Variants in CHD4 observed in about 807,000 individuals in gnomAD.
CHD4 encodes the protein ATP-dependent chromatin remodeler CHD4.
Under a neutral mutation model 235.5 loss-of-function variants are expected in CHD4, and 35 were observed. The observed-to-expected ratio is 0.15, with a 90% CI of 0.11 to 0.20. The LOEUF is 0.20. Ranked by LOEUF, CHD4 falls within the 10% of genes least tolerant of loss-of-function variation. The probability of loss-of-function intolerance (pLI) is 1.00; values close to 1 mark genes in which losing one functional copy is unlikely to be tolerated. For synonymous variants in CHD4, 900 were observed against 850.2 expected (o/e 1.06, Z -1.02); for missense variants, 1,329 against 2,432.3 (o/e 0.55, Z 9.54).
chr12:6,592,150 A>T, intron 19 of CHD4, 93 bp from the exon 20 acceptor site: 1 of 1,501,114 alleles, frequency 6.7e-7, no homozygotes, highest in South Asian at 1.2e-5. Flanking sequence ...CTTCCAACAC[A>T]TCCCACTTTG....
At chr12:6,589,458 G>T (rs1378366909) in intron 22 of CHD4, among the ~76,000 whole-genome samples, 1 of 152,188 alleles carries the variant, frequency 6.6e-6, no homozygotes, top group Non-Finnish European at 1.5e-5. Context: ...CCGTCCCCCA[G>T]TATGATGAAC....
intron 15 of CHD4, 43 bp downstream of exon 15, chr12:6,594,416 C>A: frequency 6.4e-7 from 1 of 1,552,698 alleles, no homozygotes; most frequent in Non-Finnish European, 8.7e-7. Context: ...GCTTCAAACA[C>A]AAAACACCCA....
chr12:6,586,210 AAC>A (rs1167442903), intron 25 of CHD4, among the ~76,000 whole-genome samples: 4 of 151,838 alleles, frequency 2.6e-5, no homozygotes, highest in African/African-American at 9.7e-5. Flanking sequence ...CATCCTGGCT[AAC>A]ACAGTGAAAC....
chr12:6,570,730 G>C, intron 39 of CHD4, 37 bp from the exon 40 acceptor site: 2 of 1,614,048 alleles, frequency 1.2e-6, no homozygotes, highest in Non-Finnish European at 1.7e-6. Context: ...AATTCCAGAT[G>C]ATAGGAATCC....
At chr12:6,596,228 C>T in intron 12 of CHD4, 91 bp from the exon 13 acceptor site, 11 of 1,520,752 alleles carry the variant, frequency 7.2e-6, no homozygotes, top group Non-Finnish European at 9.8e-6. Flanking sequence ...TGTTTCACAC[C>T]AGACCTCTAG....
rs779921079 is a variant in CHD4, at chr12:6,602,453, G to C, written c.145C>G (p.Pro49Ala). 2 of 1,613,996 alleles carry C rather than the reference G, an allele frequency of 1.2e-6. No homozygotes were observed. Among genetic ancestry groups the C allele is most frequent in the South Asian group, 2.2e-5 (2 of 91,078 alleles). The change falls in exon 3 of 40, where the codon CCA becomes GCA. Residue 49 changes from proline (P) to alanine (A), a missense_variant. Pro to Ala is a conservative substitution (Grantham distance 27, BLOSUM62 -1). Around this residue, in one of 26 missense-constraint regions of CHD4, gnomAD observed 213 missense variants for 177.5 expected, o/e 1.20. Coordinates refer to ENST00000544040, the MANE Select transcript of CHD4 (RefSeq NM_001273.5). ...GGCTTTTTCTTCTTCTTGAGCTTTGGAGTCTCTGTTTCTGACAAATCCTCT... is the reference window on the plus strand; with the variant it reads ...GGCTTTTTCTTCTTCTTGAGCTTTGCAGTCTCTGTTTCTGACAAATCCTCT... The part of the protein sequence containing the change: ...PEEDLSETET[P>A]KLKKKKKPKK...
chr12:6,606,082 G>A (rs1489727643), intron 2 of CHD4, among the ~76,000 whole-genome samples, 192 bp downstream of exon 2: 2 of 152,204 alleles, frequency 1.3e-5, no homozygotes, highest in East Asian at 3.8e-4. Flanking sequence ...GCATCTCCGT[G>A]CCCAGGAGGC....
At chr12:6,590,644 C>A (rs1415883012) in intron 22 of CHD4, among the ~76,000 whole-genome samples, 1 of 151,958 alleles carries the variant, frequency 6.6e-6, no homozygotes, top group Non-Finnish European at 1.5e-5. Flanking sequence ...CATGGCAAGA[C>A]CCCATCTCTA....
At chr12:6,591,667 C>T in intron 21 of CHD4, 27 bp downstream of exon 21, 1 of 1,614,082 alleles carries the variant, frequency 6.2e-7, no homozygotes, top group Non-Finnish European at 8.5e-7. Context: ...TATGACTGTT[C>T]CCTAAAGCTC....
chr12:6,570,498 A>G lies in CHD4; in HGVS notation c.*178T>C, dbSNP rs1947945115. On this transcript the variant is annotated 3_prime_UTR_variant, in exon 40 of 40. Coordinates refer to ENST00000544040, the MANE Select transcript of CHD4 (RefSeq NM_001273.5). ...ACTGCTGCATGTCTCTTCTGCAGGA[A>G]GGGCACCACTGCCCCTCACTCCCTC... 1.4e-6 allele frequency: 1 copy of G among 692,656 alleles called. No individual in the cohort carries two copies. Among genetic ancestry groups the G allele is most frequent in the Admixed American group, 2.9e-5 (1 of 34,536 alleles). The allele number at this position is 692,656 out of a possible 1,614,324, so 42.9% of individuals were successfully genotyped here.
intron 23 of CHD4, 144 bp downstream of exon 23, chr12:6,588,154 C>G (rs1948330856): frequency 1.6e-6 from 2 of 1,257,030 alleles, no homozygotes; most frequent in African/African-American, 3.0e-5. Context: ...CAAACTCTGG[C>G]TTACAATAAG....
At chr12:6,583,657 C>T (rs145151103) in intron 25 of CHD4, 199 of 373,240 alleles carry the variant, frequency 5.3e-4, no homozygotes, top group Middle Eastern at 4.2e-3. Flanking sequence ...TCTTCTAACC[C>T]CTTGCACTGA....
At chr12:6,600,862 TAGA>T (rs1241933139) in intron 7 of CHD4, 61 bp downstream of exon 7, 7 of 1,528,052 alleles carry the variant, frequency 4.6e-6, no homozygotes, top group South Asian at 1.3e-5. Context: ...CAGGTTCTGA[TAGA>T]AGGTCACATC....
intron 37 of CHD4, among the ~76,000 whole-genome samples, chr12:6,574,817 C>G (rs1005742065): frequency 6.6e-6 from 1 of 152,224 alleles, no homozygotes; most frequent in African/African-American, 2.4e-5. Context: ...TATTTTCAGT[C>G]TCACTCATTC....
At chr12:6,571,333 C>T in intron 38 of CHD4, 1 of 323,184 alleles carries the variant, frequency 3.1e-6, no homozygotes, top group Non-Finnish European at 5.7e-6. Context: ...TGTCTCCCCA[C>T]CTCCATTATA....
intron 22 of CHD4, 31 bp from the exon 23 acceptor site, chr12:6,588,453 G>A (rs776446521): frequency 1.3e-5 from 21 of 1,608,974 alleles, no homozygotes; most frequent in Non-Finnish European, 1.7e-5. Context: ...ACCATTAGAA[G>A]TGTCTCCTAA....
chr12:6,581,026 A>C lies in CHD4; in HGVS notation c.4909+18T>G. The stretch of plus-strand genomic sequence containing the variant: ...CTCAAAACAAACAAACAAACAAAAA[A>C]AATGTGGATACCTTTACCTTTGGGC... On this transcript the variant is annotated intron_variant, in intron 33 of 39. Transcript: ENST00000544040. 1 of 1,612,168 alleles carries C rather than the reference A, an allele frequency of 6.2e-7. No individual in the cohort carries two copies. Among genetic ancestry groups the C allele is most frequent in the Non-Finnish European group, 8.5e-7 (1 of 1,179,522 alleles).
intron 2 of CHD4, chr12:6,602,972 C>T (rs1022944946): frequency 1.3e-5 from 2 of 153,742 alleles, no homozygotes; most frequent in African/African-American, 4.8e-5. Flanking sequence ...AAACCACACC[C>T]TTCTCTAACC....
chr12:6,587,607 G>A, intron 24 of CHD4, 48 bp from the exon 25 acceptor site: 2 of 1,609,380 alleles, frequency 1.2e-6, no homozygotes, highest in Non-Finnish European at 1.7e-6. Flanking sequence ...TTCAGCAGCT[G>A]CAGTGGAAAA....
Sources: gnomAD v4.1 joint callset for allele counts (sites outside exome capture counted in the v4.1 genomes callset) on GRCh38, gnomAD v4.1.1 for gene constraint, gnomAD v4.1.1 regional missense constraint, MANE v1.5 for transcripts, NCBI Gene and HGNC (gene_info 2026-07-23, HGNC 2026-07-21) for gene names.